The following ADAMTSL1 variants were observed in gnomAD, a reference collection of about 807,000 sequenced individuals.
ADAMTSL1 encodes ADAMTS like 1.
In ADAMTSL1, 126 loss-of-function variants were observed where a neutral mutation model predicts 201.8. That is an observed-to-expected ratio of 0.62 (90% CI 0.54 to 0.72). The LOEUF (loss-of-function observed/expected upper bound fraction) is 0.72, where lower values mean the gene tolerates loss of function less well. ADAMTSL1 is among the 30% of genes least tolerant of loss of function. The pLI, the probability that ADAMTSL1 is intolerant of heterozygous loss-of-function variation, is 0.00. For missense variants in ADAMTSL1, 2,679 were observed against 2,277.8 expected, an observed-to-expected ratio of 1.18 and a Z score of -3.59; for synonymous variants, 1,121 against 903.4, an observed-to-expected ratio of 1.24 and a Z score of -4.32.
chr9:18,022,321 G>C (rs563509173), intron 1 of ADAMTSL1, among the ~76,000 whole-genome samples: 71 of 152,270 alleles, frequency 4.7e-4, no homozygotes, highest in Non-Finnish European at 8.8e-4. Context: ...TCTGGCCCCA[G>C]CAGGAGGCAA....
intron 3 of ADAMTSL1, among the ~76,000 whole-genome samples, chr9:18,564,956 A>G (rs1469261673): frequency 6.6e-6 from 1 of 152,220 alleles, no homozygotes; most frequent in Non-Finnish European, 1.5e-5. Flanking sequence ...AAACGTCTGC[A>G]TTCTTCAAAA....
intron 1 of ADAMTSL1, among the ~76,000 whole-genome samples, chr9:18,102,228 G>GTT (rs527349400): frequency 1.4e-3 from 207 of 151,844 alleles, no homozygotes; most frequent in African/African-American, 4.9e-3. Context: ...GTATTTCATG[G>GTT]TTTTTTTCTG....
intron 1 of ADAMTSL1, among the ~76,000 whole-genome samples, chr9:18,017,857 G>T (rs1336050225): frequency 4.6e-5 from 7 of 151,950 alleles, no homozygotes; most frequent in Admixed American, 4.6e-4. Context: ...TCTTTTCCTG[G>T]CATGTGAAGT....
intron 23 of ADAMTSL1, among the ~76,000 whole-genome samples, chr9:18,863,443 T>C (rs1827327889): frequency 6.6e-6 from 1 of 152,176 alleles, no homozygotes; most frequent in South Asian, 2.1e-4. Flanking sequence ...TAGTTTTATT[T>C]TTCCAGGAAT....
chr9:17,931,378 T>C (rs747746024), intron 1 of ADAMTSL1, among the ~76,000 whole-genome samples: 32 of 152,272 alleles, frequency 2.1e-4, no homozygotes, highest in Non-Finnish European at 4.0e-4. Context: ...TTCAATTGTA[T>C]TGAGGAGCTT....
At chr9:18,263,008 G>C (rs969765750) in intron 2 of ADAMTSL1, among the ~76,000 whole-genome samples, 1 of 152,192 alleles carries the variant, frequency 6.6e-6, no homozygotes, top group African/African-American at 2.4e-5. Flanking sequence ...TACAAGTACT[G>C]AGCTAATATG....
chr9:18,212,436 C>G (rs1156990055), intron 2 of ADAMTSL1, among the ~76,000 whole-genome samples: 2 of 152,072 alleles, frequency 1.3e-5, no homozygotes, highest in African/African-American at 2.4e-5. Context: ...TTTGATTTGA[C>G]CAAACATATA....
At chr9:18,227,745 A>C (rs1563820940) in intron 2 of ADAMTSL1, among the ~76,000 whole-genome samples, 1 of 152,152 alleles carries the variant, frequency 6.6e-6, no homozygotes, top group African/African-American at 2.4e-5. Context: ...TAGCCTGATC[A>C]CTATCTCCTC....
chr9:18,137,920 C>A (rs1826226125), intron 1 of ADAMTSL1, among the ~76,000 whole-genome samples: 1 of 152,072 alleles, frequency 6.6e-6, no homozygotes, highest in African/African-American at 2.4e-5. Context: ...GTAAATCTTG[C>A]TAGGGAGAGT....
chr9:18,605,485 G>C (rs1365538402), intron 4 of ADAMTSL1, among the ~76,000 whole-genome samples: 4 of 152,192 alleles, frequency 2.6e-5, no homozygotes, highest in Non-Finnish European at 5.9e-5. Context: ...ATGCAATCTT[G>C]ACAGTCTACA....
intron 28 of ADAMTSL1, chr9:18,908,100 G>A (rs1830416818): frequency 3.1e-6 from 1 of 317,490 alleles, no homozygotes; most frequent in Non-Finnish European, 6.0e-6. Context: ...TGCCTAGGGG[G>A]AGAGGTGATC....
At chr9:18,269,019 T>C (rs1401287958) in intron 2 of ADAMTSL1, among the ~76,000 whole-genome samples, 1 of 152,156 alleles carries the variant, frequency 6.6e-6, no homozygotes, top group Non-Finnish European at 1.5e-5. Flanking sequence ...TTTGAAGTTC[T>C]ATACAAATCA....
chr9:18,773,596 G>A (rs962049336), intron 17 of ADAMTSL1, among the ~76,000 whole-genome samples: 8 of 152,272 alleles, frequency 5.3e-5, no homozygotes, highest in African/African-American at 1.9e-4. Flanking sequence ...ATCTCCAACG[G>A]CTGGGTCTCC....
In ADAMTSL1 at chr9:18,526,729, C is replaced by T. The variant is rs150965742; in HGVS notation, c.192-6518C>T. Reference sequence around the variant, plus strand: ...GTTTGGAGAATTTTTTTAACTGGCTCATTGGGGGCAACCTCCTGCAGTATA... The same window carrying T: ...GTTTGGAGAATTTTTTTAACTGGCTTATTGGGGGCAACCTCCTGCAGTATA... On this transcript the variant is annotated intron_variant, in intron 2 of 28. Coordinates refer to ENST00000380548, the MANE Select transcript of ADAMTSL1 (RefSeq NM_001040272.6). Among the ~76,000 whole-genome samples the T allele has an allele frequency of 9.6e-4, 146 of 152,150 alleles. 2 individuals are homozygous for T. The East Asian group carries it at 0.018, about 19-fold the overall frequency.
At chr9:18,537,042 T>G (rs1855820844) in intron 3 of ADAMTSL1, among the ~76,000 whole-genome samples, 1 of 152,172 alleles carries the variant, frequency 6.6e-6, no homozygotes, top group Non-Finnish European at 1.5e-5. Context: ...TCTTAATTTC[T>G]TTATTAAATT....
chr9:18,501,610 T>C (rs568684763), intron 1 of ADAMTSL1, among the ~76,000 whole-genome samples: 9 of 150,604 alleles, frequency 6.0e-5, no homozygotes, highest in African/African-American at 2.2e-4. Context: ...AAAACTGCAA[T>C]AAACAAATAC....
chr9:18,685,086 G>A, intron 13 of ADAMTSL1: 7 of 741,176 alleles, frequency 9.4e-6, no homozygotes, highest in Non-Finnish European at 1.2e-5. Flanking sequence ...GGGGCCAAAG[G>A]TGAGAAGGCC....
chr9:18,182,167 T>C (rs555274830), intron 2 of ADAMTSL1, among the ~76,000 whole-genome samples: 5 of 149,574 alleles, frequency 3.3e-5, no homozygotes, highest in East Asian at 2.0e-4. Flanking sequence ...AGGGATAGCA[T>C]TGGGAGATAT....
At chr9:18,285,705 T>C (rs554260216) in intron 2 of ADAMTSL1, among the ~76,000 whole-genome samples, 2 of 152,200 alleles carry the variant, frequency 1.3e-5, no homozygotes, top group South Asian at 4.1e-4. Flanking sequence ...TTTTGAATGG[T>C]TTAATTCTTA....
Sources: gnomAD v4.1 joint callset for allele counts (sites outside exome capture counted in the v4.1 genomes callset) on GRCh38, gnomAD v4.1.1 for gene constraint, MANE v1.5 for transcripts, NCBI Gene and HGNC (gene_info 2026-07-23, HGNC 2026-07-21) for gene names.